The following PCOLCE2 variants were observed in gnomAD, a reference collection of about 807,000 sequenced individuals.
The protein encoded by PCOLCE2 is procollagen C-endopeptidase enhancer 2, also known as procollagen C-proteinase enhancer 2.
A neutral mutation model predicts 47.0 loss-of-function variants in PCOLCE2; 42 were observed. The observed-to-expected ratio is 0.89, with a 90% confidence interval of 0.70 to 1.16. The LOEUF (loss-of-function observed/expected upper bound fraction) is 1.16. Ranked by LOEUF, PCOLCE2 falls within the 50% of genes most tolerant of loss-of-function variation. PCOLCE2 has a pLI of 0.00. For missense variants in PCOLCE2, 500 were observed against 526.1 expected (o/e 0.95, Z 0.49); for synonymous variants, 169 against 191.7 (o/e 0.88, Z 0.98).
chr3:142,859,133 G>GC (rs1404804644), intron 2 of PCOLCE2, among the ~76,000 whole-genome samples: 1 of 151,680 alleles, frequency 6.6e-6, no homozygotes, highest in Non-Finnish European at 1.5e-5. Context: ...CATGATCTCA[G>GC]CTCATTGCAA....
chr3:142,843,130 G>A, intron 3 of PCOLCE2, 82 bp from the exon 4 acceptor site: 2 of 1,382,086 alleles, frequency 1.4e-6, no homozygotes, highest in South Asian at 1.2e-5. Context: ...AGGAATGTGG[G>A]ATCTTTGGTG....
intron 7 of PCOLCE2, 103 bp downstream of exon 7, chr3:142,823,429 C>A: frequency 2.9e-6 from 2 of 687,602 alleles, no homozygotes; most frequent in Non-Finnish European, 5.2e-6. Flanking sequence ...AAATGAGCAG[C>A]GTTATTGACC....
At chr3:142,839,971 T>C (rs1247592447) in intron 4 of PCOLCE2, among the ~76,000 whole-genome samples, 1 of 152,150 alleles carries the variant, frequency 6.6e-6, no homozygotes. Flanking sequence ...CAGGGAGTAG[T>C]AGTGTGTGTG....
At position 142,823,616 on chromosome 3, in the gene PCOLCE2, C is replaced by G. The variant is rs369280862; in HGVS notation, c.866-1G>C. The G allele has an allele frequency of 3.8e-6, 6 of 1,581,564 alleles. No homozygotes were observed. The South Asian group carries it at 6.7e-5, about 18-fold the overall frequency. On this transcript the variant is annotated splice_acceptor_variant, in intron 6 of 8. Coordinates refer to ENST00000295992, the MANE Select transcript of PCOLCE2 (RefSeq NM_013363.4). LOFTEE classifies it high-confidence loss of function. ...CACAAGGCCACGGTGGGTTTTAAAC[C>G]TTAATTCAAAGAAGACATAAGTTTC...
chr3:142,877,996 C>T (rs747454049), intron 2 of PCOLCE2, among the ~76,000 whole-genome samples: 11 of 152,188 alleles, frequency 7.2e-5, no homozygotes, highest in Non-Finnish European at 1.6e-4. Context: ...AGGTCTGTGT[C>T]TAGCAATCAA....
intron 2 of PCOLCE2, among the ~76,000 whole-genome samples, chr3:142,865,156 GT>G (rs61667058): frequency 8.1e-4 from 116 of 142,872 alleles, no homozygotes; most frequent in Middle Eastern, 3.6e-3. Context: ...TATTCTCTGT[GT>G]TTTTTTTTTT....
intron 6 of PCOLCE2, among the ~76,000 whole-genome samples, chr3:142,826,898 T>C (rs866039897): frequency 6.6e-6 from 1 of 152,134 alleles, no homozygotes; most frequent in African/African-American, 2.4e-5. Flanking sequence ...CGCCACTGCT[T>C]TTCAGTCACC....
chr3:142,832,483 A>G (rs1454610157), intron 5 of PCOLCE2, among the ~76,000 whole-genome samples: 1 of 152,044 alleles, frequency 6.6e-6, no homozygotes, highest in African/African-American at 2.4e-5. Flanking sequence ...TCTGCTTGGG[A>G]TGAGCTTGTC....
chr3:142,852,078 T>C (rs572130851), intron 2 of PCOLCE2, among the ~76,000 whole-genome samples: 84 of 152,234 alleles, frequency 5.5e-4, no homozygotes, highest in Non-Finnish European at 1.1e-3. Context: ...CAAAGCTTCT[T>C]TTGAAAGAAG....
intron 2 of PCOLCE2, among the ~76,000 whole-genome samples, chr3:142,863,235 T>C (rs1024435680): frequency 4.6e-5 from 7 of 151,992 alleles, no homozygotes; most frequent in East Asian, 1.9e-4. Context: ...ACAAAAAACA[T>C]TGAAGATAGC....
Position 142,888,731 on chromosome 3 carries a change from G to T in PCOLCE2, c.83+83C>A, listed in dbSNP as rs1054589621. ...CTGGGTCACCCAGGCGCGCCGAAGC[G>T]GGTTGAGTAAAGCAGCAGGCGAGGC... On this transcript the variant is annotated intron_variant, in intron 1 of 8. Transcript: ENST00000295992. 1.8e-5 allele frequency: 15 copies of T among 843,046 alleles called. No homozygotes were observed. In the African/African-American group the frequency reaches 2.5e-4, roughly 14 times the overall value. 52.2% of individuals were successfully genotyped at this position (843,046 alleles called of 1,614,324 possible). A position where few individuals can be genotyped will look rare whatever the true frequency, so the allele number is the denominator to read the frequency against.
At chr3:142,865,668 TA>T (rs975133834) in intron 2 of PCOLCE2, among the ~76,000 whole-genome samples, 2 of 152,114 alleles carry the variant, frequency 1.3e-5, no homozygotes, top group African/African-American at 4.8e-5. Flanking sequence ...GAGGATAATA[TA>T]AAAGAGTAAA....
At chr3:142,841,094 A>G (rs2108193560) in intron 4 of PCOLCE2, among the ~76,000 whole-genome samples, 1 of 151,974 alleles carries the variant, frequency 6.6e-6, no homozygotes, top group Admixed American at 6.6e-5. Flanking sequence ...AAAAAAAGAA[A>G]TTAGTCACAA....
chr3:142,882,798 A>G (rs1163635955), intron 2 of PCOLCE2, among the ~76,000 whole-genome samples: 9 of 152,208 alleles, frequency 5.9e-5, no homozygotes, highest in Admixed American at 3.3e-4. Context: ...TTTAAATCTA[A>G]GAACAGAATC....
rs553449494 is a variant in PCOLCE2, at chr3:142,855,326, G to A, written c.193-6854C>T. The stretch of plus-strand genomic sequence containing the variant: ...AAATATTCATTGAATAAATGACTGC[G>A]ATCCTTATAATCTTAAAATAATAGT... On this transcript the variant is annotated intron_variant, in intron 2 of 8. Transcript: ENST00000295992. 1.5e-4 allele frequency among the ~76,000 whole-genome samples: 19 copies of A among 128,952 alleles called. No individual in the cohort carries two copies. In the South Asian group the frequency reaches 3.6e-3, roughly 24 times the overall value. The allele number at this position is 128,952 out of a possible 152,430, so 84.6% of individuals were successfully genotyped here.
rs1479834614 is a variant in PCOLCE2 at position 142,882,988 on chromosome 3, CAGG to C, written c.192+4678_192+4680del. 5.1e-4 allele frequency among the ~76,000 whole-genome samples: 77 copies of C among 152,006 alleles called. 1 individual carries two copies. Among genetic ancestry groups the C allele is most frequent in the African/African-American group, 1.8e-3 (75 of 41,488 alleles). ...GGCCGAGGCGGGTGGATCACGAGGT[CAGG>C]AGATCGAGACCATCCTGGCTAAGAT... On this transcript the variant is annotated intron_variant, in intron 2 of 8. Coordinates refer to ENST00000295992, the MANE Select transcript of PCOLCE2 (RefSeq NM_013363.4).
intron 2 of PCOLCE2, chr3:142,887,220 G>A (rs11717852): frequency 9.0e-4 from 138 of 152,748 alleles, no homozygotes; most frequent in Non-Finnish European, 1.5e-3. Flanking sequence ...CATTAAGTGG[G>A]CTTTTTTTAT....
chr3:142,862,924 G>A (rs1933206898), intron 2 of PCOLCE2, among the ~76,000 whole-genome samples: 1 of 151,902 alleles, frequency 6.6e-6, no homozygotes, highest in South Asian at 2.1e-4. Context: ...AAATATTCTT[G>A]TGCTTAAGGG....
chr3:142,866,232 T>C (rs1242108416), intron 2 of PCOLCE2, among the ~76,000 whole-genome samples: 1 of 152,144 alleles, frequency 6.6e-6, no homozygotes, highest in African/African-American at 2.4e-5. Flanking sequence ...AGGGCCCAAG[T>C]AGAACAAAAA....
Sources: gnomAD v4.1 joint callset for allele counts (sites outside exome capture counted in the v4.1 genomes callset) on GRCh38, gnomAD v4.1.1 for gene constraint, MANE v1.5 for transcripts, NCBI Gene and HGNC (gene_info 2026-07-23, HGNC 2026-07-21) for gene names.